RPA1: variants seen among roughly 807,000 people sequenced by gnomAD.
RPA1 encodes the protein replication protein A 70 kDa DNA-binding subunit.
In RPA1, 49 loss-of-function variants were observed where a neutral mutation model predicts 83.0. The ratio of observed to expected loss-of-function variants is 0.59; its 90% CI spans 0.47 to 0.75. The LOEUF (loss-of-function observed/expected upper bound fraction) is 0.75. Ranked by LOEUF, RPA1 falls within the 30% of genes least tolerant of loss-of-function variation. The probability of loss-of-function intolerance (pLI) is 0.00; values close to 1 mark genes in which losing one functional copy is unlikely to be tolerated. For missense variants in RPA1, 693 were observed against 776.1 expected (o/e 0.89, Z 1.27); for synonymous variants, 279 against 281.8 (o/e 0.99, Z 0.10).
chr17:1,872,677 G>T, intron 6 of RPA1, 151 bp downstream of exon 6: 2 of 771,062 alleles, frequency 2.6e-6, no homozygotes, highest in Non-Finnish European at 1.9e-6. Context: ...ATATTTTAGA[G>T]TATGTGATTG....
chr17:1,875,569 C>A, intron 6 of RPA1, 92 bp from the exon 7 acceptor site: 1 of 1,378,170 alleles, frequency 7.3e-7, no homozygotes, highest in Non-Finnish European at 9.8e-7. Flanking sequence ...TCACTAGTGG[C>A]ACCTCCAAAA....
At chr17:1,863,616 A>G (rs1056718494) in intron 5 of RPA1, among the ~76,000 whole-genome samples, 5 of 152,208 alleles carry the variant, frequency 3.3e-5, no homozygotes, top group Admixed American at 6.5e-5. Flanking sequence ...CGGTCTCCCA[A>G]TGTGCTGGGA....
chr17:1,840,851 G>A (rs376423207), intron 1 of RPA1, among the ~76,000 whole-genome samples: 1 of 152,116 alleles, frequency 6.6e-6, no homozygotes, highest in African/African-American at 2.4e-5. Flanking sequence ...CAGATCACCA[G>A]AGGTCAGGAG....
intron 5 of RPA1, among the ~76,000 whole-genome samples, chr17:1,865,656 C>T (rs767564465): frequency 1.6e-4 from 24 of 152,118 alleles, no homozygotes; most frequent in Non-Finnish European, 1.2e-4. Context: ...GTAAAGTTTT[C>T]GTGGTTTCTT....
At chr17:1,892,053 CT>C in intron 15 of RPA1, 113 bp downstream of exon 15, 1 of 600,872 alleles carries the variant, frequency 1.7e-6, no homozygotes, top group Non-Finnish European at 2.7e-6. Context: ...GTTTCCTAGG[CT>C]GGAGTGCAGT....
intron 14 of RPA1, among the ~76,000 whole-genome samples, chr17:1,889,164 C>G (rs978731365): frequency 6.6e-6 from 1 of 152,004 alleles, no homozygotes; most frequent in East Asian, 1.9e-4. Flanking sequence ...AGCCAATGCC[C>G]GTATTTAGTC....
intron 6 of RPA1, among the ~76,000 whole-genome samples, chr17:1,873,021 T>A (rs1349286336): frequency 6.6e-6 from 1 of 152,202 alleles, no homozygotes; most frequent in Admixed American, 6.5e-5. Context: ...TTAAAAAAGA[T>A]CAAATTGATA....
chr17:1,836,310 A>C (rs542461922), intron 1 of RPA1, among the ~76,000 whole-genome samples: 3 of 151,926 alleles, frequency 2.0e-5, no homozygotes, highest in Non-Finnish European at 4.4e-5. Context: ...GGGTTTCACT[A>C]TGTTGGCCAG....
chr17:1,830,918 A>T (rs1232828450), intron 1 of RPA1, among the ~76,000 whole-genome samples: 1 of 151,852 alleles, frequency 6.6e-6, no homozygotes, highest in African/African-American at 2.4e-5. Context: ...TGTGTGCGCC[A>T]CCACACTCGG....
At chr17:1,833,790 G>T (rs903434260) in intron 1 of RPA1, among the ~76,000 whole-genome samples, 1 of 147,392 alleles carries the variant, frequency 6.8e-6, no homozygotes, top group Non-Finnish European at 1.5e-5. Flanking sequence ...GGAGATAGAG[G>T]TTCCGGTAAG....
chr17:1,849,622 T>TC (rs1362010055), intron 4 of RPA1, among the ~76,000 whole-genome samples: 1 of 151,870 alleles, frequency 6.6e-6, no homozygotes, highest in Non-Finnish European at 1.5e-5. Context: ...CATTTTGTTT[T>TC]TTTTTTTTTT....
intron 1 of RPA1, among the ~76,000 whole-genome samples, chr17:1,830,966 A>G (rs901206839): frequency 2.0e-5 from 3 of 152,022 alleles, no homozygotes; most frequent in South Asian, 4.2e-4. Flanking sequence ...GGGTTTCATC[A>G]TGTTGGCCAG....
chr17:1,856,305 A>AC (rs937491174), intron 5 of RPA1, among the ~76,000 whole-genome samples: 1 of 148,664 alleles, frequency 6.7e-6, no homozygotes, highest in African/African-American at 2.5e-5. Flanking sequence ...CCCATAAAAA[A>AC]AAAAAAAAAT....
At chr17:1,847,814 G>A (rs913127438) in intron 4 of RPA1, among the ~76,000 whole-genome samples, 1 of 151,892 alleles carries the variant, frequency 6.6e-6, no homozygotes, top group Non-Finnish European at 1.5e-5. Flanking sequence ...AAGGACAGGA[G>A]ATCGAAACCA....
At chr17:1,886,475 A>G (rs1913996048) in intron 13 of RPA1, among the ~76,000 whole-genome samples, 1 of 152,166 alleles carries the variant, frequency 6.6e-6, no homozygotes, top group Non-Finnish European at 1.5e-5. Context: ...ACTCTCTAGG[A>G]CGAATGTTCT....
chr17:1,879,100 G>A lies in RPA1; in HGVS notation c.759+39G>A, dbSNP rs1913674486. 1.9e-6 allele frequency: 3 copies of A among 1,612,816 alleles called. No homozygotes were observed. In the African/African-American group the frequency reaches 4.0e-5, roughly 21 times the overall value. On this transcript the variant is annotated intron_variant, in intron 9 of 16. Transcript: ENST00000254719. ...GACTTTAGAACTGACACCGCCTGGG[G>A]GTGGAGTGCGGATGAAAAGACGCTG...
At chr17:1,845,782 G>A (rs919354147) in intron 4 of RPA1, among the ~76,000 whole-genome samples, 1 of 152,046 alleles carries the variant, frequency 6.6e-6, no homozygotes, top group African/African-American at 2.4e-5. Flanking sequence ...AAAAGGAAAA[G>A]TTAGCTGGGC....
chr17:1,857,247 CTT>C (rs1407553317), intron 5 of RPA1, among the ~76,000 whole-genome samples: 6 of 136,928 alleles, frequency 4.4e-5, no homozygotes, highest in Admixed American at 3.8e-4. Context: ...GGGATTTTCT[CTT>C]TTTTTCTTTT....
chr17:1,863,764 A>G (rs1733725289), intron 5 of RPA1, among the ~76,000 whole-genome samples: 1 of 152,222 alleles, frequency 6.6e-6, no homozygotes, highest in Admixed American at 6.5e-5. Context: ...CAATTTTCAA[A>G]TGGTTGTTAT....
Sources: gnomAD v4.1 joint callset for allele counts (sites outside exome capture counted in the v4.1 genomes callset) on GRCh38, gnomAD v4.1.1 for gene constraint, MANE v1.5 for transcripts, NCBI Gene and HGNC (gene_info 2026-07-23, HGNC 2026-07-21) for gene names.